Variants in DNAH14 observed in about 807,000 individuals in gnomAD.
DNAH14 encodes the protein axonemal beta dynein heavy chain 14.
In DNAH14, 478 loss-of-function variants were observed where a neutral mutation model predicts 520.9. The observed-to-expected ratio is 0.92, with a 90% CI of 0.85 to 0.99. The LOEUF is 0.99. Among genes scored for constraint, DNAH14 ranks in the 50% least tolerant of loss-of-function variants. The probability of loss-of-function intolerance (pLI) is 0.00; values close to 1 mark genes in which losing one functional copy is unlikely to be tolerated. For synonymous variants in DNAH14, 1,581 were observed against 1,757.2 expected (o/e 0.90, Z 2.51); for missense variants, 4,831 against 5,234.5 (o/e 0.92, Z 2.38).
intron 83 of DNAH14, among the ~76,000 whole-genome samples, chr1:225,391,624 G>T (rs182706580): frequency 1.3e-3 from 195 of 152,182 alleles, no homozygotes; most frequent in African/African-American, 2.0e-3. Context: ...GGACAGGGGT[G>T]GGGGGAGAAG....
rs1195141740 is a variant in DNAH14 at position 225,140,764 on chromosome 1, T to A, written c.4255-4T>A. 2.0e-6 allele frequency: 3 copies of A among 1,511,998 alleles called. No individual in the cohort carries two copies. The highest frequency in any genetic ancestry group is 2.7e-6 in the Non-Finnish European group (3 of 1,113,536). The allele number at this position is 1,511,998 out of a possible 1,614,324, so 93.7% of individuals were successfully genotyped here. ...ATATATATAACATTATCTTACTTTTTCAGAGCCAGATCATGTTTTATAATG... is the reference window on the plus strand; with the variant it reads ...ATATATATAACATTATCTTACTTTTACAGAGCCAGATCATGTTTTATAATG... On this transcript the variant is annotated splice_region_variant and splice_polypyrimidine_tract_variant and intron_variant, in intron 27 of 85. Coordinates refer to ENST00000682510, the MANE Select transcript of DNAH14 (RefSeq NM_001367479.1).
chr1:225,382,758 T>C (rs141726218), intron 81 of DNAH14, among the ~76,000 whole-genome samples: 143 of 151,734 alleles, frequency 9.4e-4, no homozygotes, highest in African/African-American at 3.3e-3. Context: ...TGAATGTTCA[T>C]GGCAGCATTA....
intron 26 of DNAH14, among the ~76,000 whole-genome samples, chr1:225,121,597 T>C (rs1020470854): frequency 1.3e-5 from 2 of 152,280 alleles, no homozygotes; most frequent in Non-Finnish European, 2.9e-5. Context: ...TACCTCTTTT[T>C]TGGGAGGCCG....
chr1:225,063,409 T>C lies in DNAH14; in HGVS notation c.2424+11614T>C, dbSNP rs575550703. Among the ~76,000 whole-genome samples the C allele has an allele frequency of 9.9e-5, 15 of 152,276 alleles. No homozygotes were observed. The South Asian group carries it at 2.9e-3, about 29-fold the overall frequency. On this transcript the variant is annotated intron_variant, in intron 17 of 85. Coordinates refer to ENST00000682510, the MANE Select transcript of DNAH14 (RefSeq NM_001367479.1). ...TGTATTATTTTTTATTGTTATAATT[T>C]TTTTGTTGTTTTTTAAAAACACTTT...
rs1305272181 is a variant in DNAH14 at position 225,324,367 on chromosome 1, C to G, written c.9627+14C>G. The G allele has an allele frequency of 1.3e-6, 2 of 1,549,444 alleles. No individual in the cohort carries two copies. Among genetic ancestry groups the G allele is most frequent in the South Asian group, 1.2e-5 (1 of 83,374 alleles). ...GAAGTACAGAAGGTATGCTTTTCCT[C>G]CTAAACATCTGTCATGATTTGGAAG... On this transcript the variant is annotated intron_variant, in intron 63 of 85. Coordinates refer to ENST00000682510, the MANE Select transcript of DNAH14 (RefSeq NM_001367479.1).
chr1:225,156,800 C>T (rs1176179641), intron 34 of DNAH14, among the ~76,000 whole-genome samples: 2 of 106,346 alleles, frequency 1.9e-5, no homozygotes, highest in East Asian at 4.8e-4. Flanking sequence ...CTGCAAGCTC[C>T]GCCTCCCGGG....
intron 36 of DNAH14, among the ~76,000 whole-genome samples, chr1:225,170,422 G>A (rs898378863): frequency 2.6e-5 from 4 of 152,036 alleles, no homozygotes; most frequent in Middle Eastern, 3.2e-3. Flanking sequence ...GGGATGGAGG[G>A]AGATCTACCA....
At chr1:224,959,906 A>G (rs1016733855) in intron 3 of DNAH14, among the ~76,000 whole-genome samples, 22 of 152,298 alleles carry the variant, frequency 1.4e-4, no homozygotes, top group African/African-American at 5.3e-4. Flanking sequence ...TCTTACTGTG[A>G]CAATTCTCAT....
intron 4 of DNAH14, among the ~76,000 whole-genome samples, chr1:224,961,715 T>G (rs547487973): frequency 6.6e-6 from 1 of 152,222 alleles, no homozygotes; most frequent in African/African-American, 2.4e-5. Context: ...CAATTCAAGG[T>G]GACATTTGGG....
chr1:225,083,075 A>T (rs1460041211), intron 20 of DNAH14, among the ~76,000 whole-genome samples: 1 of 152,168 alleles, frequency 6.6e-6, no homozygotes, highest in Non-Finnish European at 1.5e-5. Context: ...TGTATTCATT[A>T]TATGTAAAAT....
rs143121709 is a variant in DNAH14, at chr1:225,188,486, A to G, written c.5670+3061A>G. ...TAATTTCTAAAACTTTATCACAAGTATGTATCTATAGGGAAAAATATAATA... is the reference window on the plus strand; with the variant it reads ...TAATTTCTAAAACTTTATCACAAGTGTGTATCTATAGGGAAAAATATAATA... On this transcript the variant is annotated intron_variant, in intron 37 of 85. Coordinates refer to ENST00000682510, the MANE Select transcript of DNAH14 (RefSeq NM_001367479.1). Among the ~76,000 whole-genome samples, 515 of 152,048 alleles carry G rather than the reference A, an allele frequency of 3.4e-3. 4 individuals carry two copies. The highest frequency in any genetic ancestry group is 0.012 in the African/African-American group (496 of 41,540).
At chr1:225,371,297 A>C (rs1188683189) in intron 77 of DNAH14, among the ~76,000 whole-genome samples, 1 of 152,162 alleles carries the variant, frequency 6.6e-6, no homozygotes, top group Non-Finnish European at 1.5e-5. Flanking sequence ...TAATGCAAGA[A>C]TGACCCAGTA....
intron 78 of DNAH14, 70 bp downstream of exon 78, chr1:225,374,955 T>C: frequency 1.5e-6 from 2 of 1,323,744 alleles, no homozygotes; most frequent in East Asian, 2.5e-5. Flanking sequence ...TTATTTAAAA[T>C]ACATATTTAA....
intron 2 of DNAH14, chr1:224,954,473 T>C (rs146598374): frequency 2.0e-5 from 3 of 152,422 alleles, no homozygotes; most frequent in African/African-American, 7.2e-5. Flanking sequence ...AAAAAGTTTT[T>C]CCAGCAGTAG....
chr1:224,985,511 C>T (rs892899580), intron 8 of DNAH14, among the ~76,000 whole-genome samples: 5 of 151,984 alleles, frequency 3.3e-5, no homozygotes, highest in Admixed American at 6.6e-5. Flanking sequence ...AAATATGGTG[C>T]AGTGTATACT....
Position 225,266,738 on chromosome 1 carries a change from G to T in DNAH14, c.7508G>T (p.Gly2503Val). The T allele has an allele frequency of 6.6e-7, 1 of 1,526,348 alleles. No individual in the cohort carries two copies. Among genetic ancestry groups the T allele is most frequent in the Non-Finnish European group, 8.8e-7 (1 of 1,140,204 alleles). 94.6% of individuals were successfully genotyped at this position (1,526,348 alleles called of 1,614,324 possible). Residue 2503 changes from glycine to valine, a missense_variant, in exon 49 of 86, where the codon GGA becomes GTA. Coordinates refer to ENST00000682510, the MANE Select transcript of DNAH14 (RefSeq NM_001367479.1). ...ELIRQLLDLG[G>V]VYDTEKNTWK... ...ATAAGACAATTGTTAGATTTGGGAGGAGTTTATGATACTGAAAAAAATACA... is the reference window on the plus strand; with the variant it reads ...ATAAGACAATTGTTAGATTTGGGAGTAGTTTATGATACTGAAAAAAATACA...
intron 32 of DNAH14, 78 bp downstream of exon 32, chr1:225,152,151 T>C: frequency 7.9e-7 from 1 of 1,271,664 alleles, no homozygotes; most frequent in Non-Finnish European, 1.1e-6. Context: ...ATGGAGTTGC[T>C]TGACATTTGC....
chr1:225,034,810 A>G (rs1191728793), intron 11 of DNAH14, among the ~76,000 whole-genome samples: 1 of 152,044 alleles, frequency 6.6e-6, no homozygotes, highest in Non-Finnish European at 1.5e-5. Context: ...GTGAGGGCGT[A>G]TGTGTCTAAG....
chr1:225,151,933 C>T lies in DNAH14; in HGVS notation c.4941-72C>T, dbSNP rs531994451. The T allele has an allele frequency of 5.5e-6, 7 of 1,264,978 alleles. No homozygotes were observed. In the South Asian group the frequency reaches 6.4e-5, roughly 12 times the overall value. 78.4% of individuals were successfully genotyped at this position (1,264,978 alleles called of 1,614,324 possible). ...ACACAGCCTTAATAAAGCTTCCAAACTCACTTATAGTTTTAACATGCTTTG... is the reference window on the plus strand; with the variant it reads ...ACACAGCCTTAATAAAGCTTCCAAATTCACTTATAGTTTTAACATGCTTTG... On this transcript the variant is annotated intron_variant, in intron 31 of 85. Coordinates refer to ENST00000682510, the MANE Select transcript of DNAH14 (RefSeq NM_001367479.1).
Sources: gnomAD v4.1 joint callset for allele counts (sites outside exome capture counted in the v4.1 genomes callset) on GRCh38, gnomAD v4.1.1 for gene constraint, MANE v1.5 for transcripts, NCBI Gene and HGNC (gene_info 2026-07-23, HGNC 2026-07-21) for gene names.